HCN1: variants seen among roughly 807,000 people sequenced by gnomAD.
HCN1 encodes hyperpolarization activated cyclic nucleotide gated potassium channel 1.
A neutral mutation model predicts 78.9 loss-of-function variants in HCN1; 13 were observed. The observed-to-expected ratio is 0.16, with a 90% CI of 0.11 to 0.26. HCN1 has a LOEUF of 0.26. Among genes scored for constraint, HCN1 ranks in the 10% least tolerant of loss-of-function variants. HCN1 has a pLI of 1.00. For missense variants in HCN1, 810 were observed against 1,154.3 expected (o/e 0.70, Z 4.32); for synonymous variants, 552 against 455.5 (o/e 1.21, Z -2.70).
chr5:45,596,296 T>C (rs979757281), intron 2 of HCN1, among the ~76,000 whole-genome samples: 3 of 152,182 alleles, frequency 2.0e-5, no homozygotes, highest in Non-Finnish European at 4.4e-5. Context: ...ATTGAGATTA[T>C]TGAGGCAATT....
At position 45,695,766 on chromosome 5, in the gene HCN1, A is replaced by C. The variant is rs1350895787; in HGVS notation, c.328T>G (p.Ser110Ala). The change falls in exon 1 of 8, where the codon TCC becomes GCC. Residue 110 changes from serine (S) to alanine (A), a missense_variant. Ser to Ala is a moderately conservative substitution (Grantham distance 99). This residue lies in a region of HCN1 where 104 missense variants were observed against 402.8 expected (regional missense o/e 0.26). Coordinates refer to ENST00000303230, the MANE Select transcript of HCN1 (RefSeq NM_021072.4). Reference protein sequence around the residue: ...SMLQPGVNKFSLRMFGSQKAV... With the variant: ...SMLQPGVNKFALRMFGSQKAV... ...TTCTGGCTCCCAAACATGCGGAGGG[A>C]GAATTTGTTGACCCCGGGCTGCAGC... 6.2e-7 allele frequency: 1 copy of C among 1,612,124 alleles called. No homozygotes were observed. The highest frequency in any genetic ancestry group is 1.1e-5 in the South Asian group (1 of 91,074).
chr5:45,517,622 C>T (rs926497857), intron 2 of HCN1, among the ~76,000 whole-genome samples: 3 of 151,072 alleles, frequency 2.0e-5, no homozygotes, highest in Non-Finnish European at 4.4e-5. Context: ...TAGAAATGTC[C>T]GTGTGATGTC....
chr5:45,279,707 T>A (rs1190105566), intron 6 of HCN1, among the ~76,000 whole-genome samples: 4 of 152,026 alleles, frequency 2.6e-5, no homozygotes, highest in African/African-American at 9.7e-5. Context: ...CTCATACATT[T>A]CCACCTAATT....
At chr5:45,691,838 T>C (rs1739918934) in intron 1 of HCN1, among the ~76,000 whole-genome samples, 1 of 152,198 alleles carries the variant, frequency 6.6e-6, no homozygotes, top group South Asian at 2.1e-4. Context: ...AGTACAGTTG[T>C]GGCTGCAATT....
At position 45,440,811 on chromosome 5, in the gene HCN1, A is replaced by G. The variant is rs142163875; in HGVS notation, c.1011+21035T>C. On this transcript the variant is annotated intron_variant, in intron 3 of 7. Coordinates refer to ENST00000303230, the MANE Select transcript of HCN1 (RefSeq NM_021072.4). The stretch of plus-strand genomic sequence containing the variant: ...ACTCTCTTCTGTCTTCAACCCTGGT[A>G]GAAACTATCACAACATAGGAAACTC... 5.5e-4 allele frequency among the ~76,000 whole-genome samples: 84 copies of G among 152,320 alleles called. No homozygotes were observed. In the East Asian group the frequency reaches 0.016, roughly 29 times the overall value.
At chr5:45,400,368 C>G (rs1345370204) in intron 3 of HCN1, among the ~76,000 whole-genome samples, 4 of 142,066 alleles carry the variant, frequency 2.8e-5, no homozygotes, top group Non-Finnish European at 4.6e-5. Context: ...TCTTAAATGA[C>G]TTGAAATAAA....
chr5:45,596,204 TATG>T (rs1433484231), intron 2 of HCN1, among the ~76,000 whole-genome samples: 1 of 152,102 alleles, frequency 6.6e-6, no homozygotes, highest in Non-Finnish European at 1.5e-5. Context: ...AGCCCGGACT[TATG>T]ATATTTTTGA....
chr5:45,498,215 A>AGGTACACC (rs1255142779), intron 2 of HCN1, among the ~76,000 whole-genome samples: 1 of 152,144 alleles, frequency 6.6e-6, no homozygotes, highest in Non-Finnish European at 1.5e-5. Flanking sequence ...CATCACTTTC[A>AGGTACACC]GGTACACCAA....
chr5:45,447,900 G>A (rs1171333223), intron 3 of HCN1, among the ~76,000 whole-genome samples: 1 of 151,380 alleles, frequency 6.6e-6, no homozygotes, highest in African/African-American at 2.4e-5. Flanking sequence ...ATATATATGA[G>A]ACAGAGAAAG....
At chr5:45,394,445 A>T (rs1030656315) in intron 4 of HCN1, among the ~76,000 whole-genome samples, 7 of 152,160 alleles carry the variant, frequency 4.6e-5, no homozygotes, top group Non-Finnish European at 1.0e-4. Context: ...ATCACCAAAG[A>T]AGCTGCACAT....
intron 2 of HCN1, among the ~76,000 whole-genome samples, chr5:45,566,361 A>G (rs1376440812): frequency 6.6e-6 from 1 of 152,126 alleles, no homozygotes; most frequent in East Asian, 1.9e-4. Flanking sequence ...AGTATCAAAT[A>G]CTCATTTTTC....
intron 2 of HCN1, among the ~76,000 whole-genome samples, chr5:45,533,517 A>G (rs1742901725): frequency 6.6e-6 from 1 of 152,202 alleles, no homozygotes; most frequent in Non-Finnish European, 1.5e-5. Flanking sequence ...GATTCTGATG[A>G]CTGTCTCATA....
At chr5:45,606,288 A>G (rs1351446831) in intron 2 of HCN1, among the ~76,000 whole-genome samples, 1 of 152,074 alleles carries the variant, frequency 6.6e-6, no homozygotes, top group Non-Finnish European at 1.5e-5. Context: ...CACCTGGTAC[A>G]GAACAGATTG....
chr5:45,492,595 C>CGGTTCAA (rs1741912016), intron 2 of HCN1, among the ~76,000 whole-genome samples: 1 of 149,194 alleles, frequency 6.7e-6, no homozygotes, highest in Admixed American at 6.7e-5. Context: ...TCCACCTCCC[C>CGGTTCAA]GGTTCAAGTG....
intron 6 of HCN1, among the ~76,000 whole-genome samples, chr5:45,302,711 C>G (rs953150877): frequency 1.2e-4 from 18 of 151,712 alleles, no homozygotes; most frequent in Non-Finnish European, 2.6e-4. Flanking sequence ...TGAATTGTAC[C>G]TCCCAGAATT....
chr5:45,270,676 T>C (rs1744944765), intron 6 of HCN1, among the ~76,000 whole-genome samples: 1 of 152,146 alleles, frequency 6.6e-6, no homozygotes, highest in African/African-American at 2.4e-5. Context: ...TAAAGGCATG[T>C]CCTGGGAATC....
intron 2 of HCN1, among the ~76,000 whole-genome samples, chr5:45,579,350 T>C (rs1403392820): frequency 6.6e-6 from 1 of 152,052 alleles, no homozygotes; most frequent in East Asian, 1.9e-4. Context: ...AAGTTCCAGA[T>C]TGTAAACTGC....
chr5:45,357,120 C>T (rs1284437422), intron 4 of HCN1, among the ~76,000 whole-genome samples: 1 of 151,884 alleles, frequency 6.6e-6, no homozygotes, highest in Non-Finnish European at 1.5e-5. Context: ...TTTACAACAT[C>T]CTTGGTTTGG....
At chr5:45,563,163 G>C (rs1286156129) in intron 2 of HCN1, among the ~76,000 whole-genome samples, 1 of 151,974 alleles carries the variant, frequency 6.6e-6, no homozygotes, top group Non-Finnish European at 1.5e-5. Context: ...AAAATATATA[G>C]TGAAGGCCGG....
Sources: gnomAD v4.1 joint callset for allele counts (sites outside exome capture counted in the v4.1 genomes callset) on GRCh38, gnomAD v4.1.1 for gene constraint, gnomAD v4.1.1 regional missense constraint, MANE v1.5 for transcripts, NCBI Gene and HGNC (gene_info 2026-07-23, HGNC 2026-07-21) for gene names.